Variants in SOCS4 observed in about 807,000 individuals in gnomAD.
SOCS4 encodes the protein suppressor of cytokine signaling 4.
A neutral mutation model predicts 34.1 loss-of-function variants in SOCS4; 20 were observed. The ratio of observed to expected loss-of-function variants is 0.59; its 90% CI spans 0.41 to 0.85. The LOEUF (loss-of-function observed/expected upper bound fraction) is 0.85. Ranked by LOEUF, SOCS4 falls within the 40% of genes least tolerant of loss-of-function variation. SOCS4 has a pLI of 0.00. For synonymous variants in SOCS4, 180 were observed against 186.4 expected (o/e 0.97, Z 0.28); for missense variants, 479 against 532.4 (o/e 0.90, Z 0.99).
chr14:55,034,819 CA>C (rs543244514), intron 2 of SOCS4, among the ~76,000 whole-genome samples: 176 of 112,292 alleles, frequency 1.6e-3, no homozygotes, highest in Admixed American at 2.7e-3. Flanking sequence ...GACTTCACCT[CA>C]AAAAAAAAAA....
chr14:55,037,740 C>T (rs150516287), intron 2 of SOCS4, among the ~76,000 whole-genome samples: 3,238 of 151,636 alleles, frequency 0.021, 108 homozygotes, highest in African/African-American at 0.074. Context: ...GTGATCCTCC[C>T]GCCTCGGCCT....
chr14:55,049,364 T>C lies in SOCS4; in HGVS notation c.*5000T>C, dbSNP rs2042705300. 1 of 167,084 alleles carries C rather than the reference T, an allele frequency of 6.0e-6. No homozygotes were observed. Among genetic ancestry groups the C allele is most frequent in the Non-Finnish European group, 1.5e-5 (1 of 68,114 alleles). The allele number at this position is 167,084 out of a possible 1,614,324, so 10.4% of individuals were successfully genotyped here. ...GATCTATTCCTTACCACAAAAGAAG[T>C]AGACAATTGCCACTTTTATTTCTAA... On this transcript the variant is annotated 3_prime_UTR_variant, in exon 3 of 3. Transcript: ENST00000555846.
Position 55,046,744 on chromosome 14 carries a change from T to G in SOCS4, c.*2380T>G, listed in dbSNP as rs2042679632. On this transcript the variant is annotated 3_prime_UTR_variant, in exon 3 of 3. Transcript: ENST00000555846. ...ACTCTGAAATGATTTTTATTTTTCC[T>G]TTGGTATTTGCTACAGTGAAAAGAA... 6.0e-6 allele frequency: 1 copy of G among 167,034 alleles called. No individual in the cohort carries two copies. The highest frequency in any genetic ancestry group is 1.5e-5 in the Non-Finnish European group (1 of 68,066). The allele number at this position is 167,034 out of a possible 1,614,324, so 10.3% of individuals were successfully genotyped here.
At chr14:55,035,269 TTACCCTA>T (rs1414299621) in intron 2 of SOCS4, among the ~76,000 whole-genome samples, 1 of 50,904 alleles carries the variant, frequency 2.0e-5, no homozygotes, top group East Asian at 3.1e-4. Flanking sequence ...GTAAAAACAG[TTACCCTA>T]AAATCCAAAC....
At chr14:55,030,011 A>T (rs1052283600) in intron 1 of SOCS4, among the ~76,000 whole-genome samples, 1 of 152,164 alleles carries the variant, frequency 6.6e-6, no homozygotes, top group Admixed American at 6.5e-5. Context: ...ATAGATAGAA[A>T]AACAGAAAAG....
In SOCS4 at chr14:55,045,757, C is replaced by T. The variant is rs186128132; in HGVS notation, c.*1393C>T. ...CTGGTGAGCTGTCTAACCCTTTGTACACATTGACATTTTTAATATCGTAAC... is the reference window on the plus strand; with the variant it reads ...CTGGTGAGCTGTCTAACCCTTTGTATACATTGACATTTTTAATATCGTAAC... On this transcript the variant is annotated 3_prime_UTR_variant, in exon 3 of 3. Transcript: ENST00000555846. 43 of 166,982 alleles carry T rather than the reference C, an allele frequency of 2.6e-4. No homozygotes were observed. The highest frequency in any genetic ancestry group is 1.5e-5 in the Non-Finnish European group (1 of 68,000). The allele number at this position is 166,982 out of a possible 1,614,324, so 10.3% of individuals were successfully genotyped here.
rs779427614 is a variant in SOCS4, at chr14:55,044,264, C to T, written c.1223C>T (p.Ala408Val). The T allele has an allele frequency of 5.7e-5, 92 of 1,613,836 alleles. No individual in the cohort carries two copies. The highest frequency in any genetic ancestry group is 7.0e-5 in the Non-Finnish European group (83 of 1,179,914). Residue 408 changes from alanine (A) to valine (V), a missense_variant, in exon 3 of 3, where the codon GCC becomes GTC. Physicochemically the swap from Ala to Val is moderately conservative, Grantham distance 64. Transcript: ENST00000555846. ...TGTACAACTTATGATGGCATCGATGCCCTTCCAATTCCTTCTTCTATGAAA... is the reference window on the plus strand; with the variant it reads ...TGTACAACTTATGATGGCATCGATGTCCTTCCAATTCCTTCTTCTATGAAA... ...CNCTTYDGID[A>V]LPIPSSMKLY... is the part of the protein sequence containing the mutation.
At chr14:55,033,576 T>A (rs1004485552) in intron 2 of SOCS4, among the ~76,000 whole-genome samples, 1 of 152,244 alleles carries the variant, frequency 6.6e-6, no homozygotes, top group African/African-American at 2.4e-5. Context: ...TATGTGTTTT[T>A]AAAAAATATA....
chr14:55,032,944 G>C (rs1203018343), intron 2 of SOCS4, among the ~76,000 whole-genome samples: 1 of 151,986 alleles, frequency 6.6e-6, no homozygotes, highest in Admixed American at 6.6e-5. Context: ...CACCACACCC[G>C]GCTAATTTTT....
At position 55,043,586 on chromosome 14, in the gene SOCS4, A is replaced by G; in HGVS notation, c.545A>G (p.Glu182Gly). 1 of 1,614,178 alleles carries G rather than the reference A, an allele frequency of 6.2e-7. No individual in the cohort carries two copies. Among genetic ancestry groups the G allele is most frequent in the Non-Finnish European group, 8.5e-7 (1 of 1,180,018 alleles). Residue 182 changes from glutamate (E) to glycine (G), a missense_variant, in exon 3 of 3, where the codon GAA becomes GGA. Coordinates refer to ENST00000555846, the MANE Select transcript of SOCS4 (RefSeq NM_199421.2). ...GGTCAGCTAAAACGAAGAAATATGG[A>G]AGAAAATATAAACTGTTTCTCACAT... ...RDGQLKRRNM[E>G]ENINCFSHTN... is the part of the protein sequence containing the mutation.
Position 55,044,455 on chromosome 14 carries a change from G to C in SOCS4, c.*91G>C. On this transcript the variant is annotated 3_prime_UTR_variant, in exon 3 of 3. Coordinates refer to ENST00000555846, the MANE Select transcript of SOCS4 (RefSeq NM_199421.2). The stretch of plus-strand genomic sequence containing the variant: ...ATGCCACTTTGGATTTTTCTACAAA[G>C]GCAGTGGTGTCCAAAATAAAATCTC... 1 of 978,444 alleles carries C rather than the reference G, an allele frequency of 1.0e-6. No homozygotes were observed. Among genetic ancestry groups the C allele is most frequent in the Non-Finnish European group, 1.4e-6 (1 of 736,990 alleles). 60.6% of individuals were successfully genotyped at this position (978,444 alleles called of 1,614,324 possible). A position where few individuals can be genotyped will look rare whatever the true frequency, so the allele number is the denominator to read the frequency against.
At position 55,042,874 on chromosome 14, in the gene SOCS4, G is replaced by A. The variant is rs371542618; in HGVS notation, c.-90-78G>A. The A allele has an allele frequency of 8.3e-6, 5 of 604,404 alleles. No individual in the cohort carries two copies. The East Asian group carries it at 1.2e-4, about 14-fold the overall frequency. The allele number at this position is 604,404 out of a possible 1,614,324, so 37.4% of individuals were successfully genotyped here. On this transcript the variant is annotated intron_variant, in intron 2 of 2. Transcript: ENST00000555846. ...TGTACTAACTGTGCTTTTCCCTCTTGTGTCTAATAGAAGCTTAATATGTAA... is the reference window on the plus strand; with the variant it reads ...TGTACTAACTGTGCTTTTCCCTCTTATGTCTAATAGAAGCTTAATATGTAA...
intron 2 of SOCS4, among the ~76,000 whole-genome samples, chr14:55,035,143 G>C (rs2042561767): frequency 1.3e-5 from 2 of 152,180 alleles, no homozygotes. Context: ...TTACAGACAT[G>C]AGCCACCGTG....
intron 2 of SOCS4, among the ~76,000 whole-genome samples, chr14:55,037,491 C>T (rs2042583279): frequency 1.3e-5 from 2 of 150,226 alleles, no homozygotes; most frequent in Non-Finnish European, 3.0e-5. Flanking sequence ...GTCTCCACCT[C>T]TTTTTTTTTA....
intron 2 of SOCS4, among the ~76,000 whole-genome samples, chr14:55,040,107 T>C (rs1300020992): frequency 6.6e-6 from 1 of 152,240 alleles, no homozygotes; most frequent in African/African-American, 2.4e-5. Flanking sequence ...TTGCTTCTAA[T>C]TTTTGTTCAA....
chr14:55,034,809 G>T (rs2042557758), intron 2 of SOCS4, among the ~76,000 whole-genome samples: 1 of 146,424 alleles, frequency 6.8e-6, no homozygotes, highest in African/African-American at 2.5e-5. Context: ...GACAGAGTGA[G>T]ACTTCACCTC....
chr14:55,038,421 G>T (rs2042591188), intron 2 of SOCS4, among the ~76,000 whole-genome samples: 1 of 152,164 alleles, frequency 6.6e-6, no homozygotes, highest in Non-Finnish European at 1.5e-5. Context: ...TGCTTGGGTG[G>T]TCTTCTAGCT....
rs925688106 is a variant in SOCS4 at position 55,045,275 on chromosome 14, C to G, written c.*911C>G. The G allele has an allele frequency of 6.0e-6, 1 of 166,874 alleles. No homozygotes were observed. Among genetic ancestry groups the G allele is most frequent in the Non-Finnish European group, 1.5e-5 (1 of 68,010 alleles). The allele number at this position is 166,874 out of a possible 1,614,324, so 10.3% of individuals were successfully genotyped here. ...TATGAACTGTTGCTTCTACTTAGCC[C>G]TTTTATAGAAACTCTGAGCTGTTAC... On this transcript the variant is annotated 3_prime_UTR_variant, in exon 3 of 3. Coordinates refer to ENST00000555846, the MANE Select transcript of SOCS4 (RefSeq NM_199421.2).
At chr14:55,038,784 C>G (rs1204557828) in intron 2 of SOCS4, among the ~76,000 whole-genome samples, 2 of 152,190 alleles carry the variant, frequency 1.3e-5, no homozygotes, top group Non-Finnish European at 2.9e-5. Context: ...CCACCCTGTT[C>G]TCCACCCAGA....
Sources: allele counts gnomAD v4.1 joint callset (sites outside exome capture counted in the v4.1 genomes callset), GRCh38; gene constraint gnomAD v4.1.1; transcripts MANE v1.5; gene names NCBI Gene and HGNC (gene_info 2026-07-23, HGNC 2026-07-21).